The following GRM8 variants were observed in gnomAD, a reference collection of about 807,000 sequenced individuals.
GRM8 encodes glutamate metabotropic receptor 8.
GRM8 carries 47 observed loss-of-function variants against 87.2 expected under a neutral mutation model. The ratio of observed to expected loss-of-function variants is 0.54; its 90% CI spans 0.43 to 0.69. GRM8 has a LOEUF of 0.69. Ranked by LOEUF, GRM8 falls within the 30% of genes least tolerant of loss-of-function variation. GRM8 has a pLI of 0.00. For missense variants in GRM8, 1,019 were observed against 1,139.2 expected (o/e 0.89, Z 1.52); for synonymous variants, 396 against 404.5 (o/e 0.98, Z 0.25).
At chr7:126,589,209 G>A (rs1796441868) in intron 8 of GRM8, among the ~76,000 whole-genome samples, 2 of 152,146 alleles carry the variant, frequency 1.3e-5, no homozygotes, top group East Asian at 1.9e-4. Context: ...TTCTCAGCTG[G>A]GAGGCTGGTA....
At chr7:127,027,604 AT>A (rs1816917013) in intron 3 of GRM8, among the ~76,000 whole-genome samples, 1 of 152,124 alleles carries the variant, frequency 6.6e-6, no homozygotes, top group Non-Finnish European at 1.5e-5. Context: ...GCAATTGTGA[AT>A]GGGAGTTCAC....
At chr7:127,056,633 C>T (rs1820017254) in intron 3 of GRM8, among the ~76,000 whole-genome samples, 1 of 152,160 alleles carries the variant, frequency 6.6e-6, no homozygotes, top group Non-Finnish European at 1.5e-5. Flanking sequence ...AAAATAGCTC[C>T]ATTTATTAAT....
intron 2 of GRM8, among the ~76,000 whole-genome samples, chr7:127,165,052 C>G (rs1010470413): frequency 6.7e-6 from 1 of 148,926 alleles, no homozygotes; most frequent in Non-Finnish European, 1.5e-5. Flanking sequence ...TTTTCTAAGT[C>G]CTGAGGATGT....
At chr7:126,643,255 T>A in intron 7 of GRM8, among the ~76,000 whole-genome samples, 1 of 129,700 alleles carries the variant, frequency 7.7e-6, no homozygotes, top group Admixed American at 9.0e-5. Context: ...TGTGCCACTG[T>A]ACTCCAGCAT....
chr7:126,933,801 C>T (rs970873279), intron 3 of GRM8, among the ~76,000 whole-genome samples: 4 of 152,164 alleles, frequency 2.6e-5, no homozygotes, highest in Non-Finnish European at 4.4e-5. Flanking sequence ...GTAACATCAT[C>T]CATGGACCCA....
intron 3 of GRM8, among the ~76,000 whole-genome samples, chr7:127,000,338 C>G (rs374486114): frequency 6.6e-6 from 1 of 151,462 alleles, no homozygotes; most frequent in African/African-American, 2.4e-5. Flanking sequence ...TTTGATAGCA[C>G]AAAAGGGTGA....
chr7:126,777,537 G>C (rs1054583323), intron 6 of GRM8, among the ~76,000 whole-genome samples: 3 of 152,070 alleles, frequency 2.0e-5, no homozygotes, highest in Non-Finnish European at 4.4e-5. Context: ...ACACCCACCA[G>C]ACCAATGATT....
intron 6 of GRM8, among the ~76,000 whole-genome samples, chr7:126,894,104 C>A (rs1182221595): frequency 6.6e-6 from 1 of 152,142 alleles, no homozygotes; most frequent in South Asian, 2.1e-4. Flanking sequence ...GAGGAGAAAT[C>A]AAGTTTTCCT....
In GRM8 at chr7:126,691,503, G is replaced by C. The variant is rs185612613; in HGVS notation, c.1357+78362C>G. The stretch of plus-strand genomic sequence containing the variant: ...GGTTCCTGCCCCTCCAACTTGGAAG[G>C]GGGCAGGGCTTCCATCTGTTCCTGA... On this transcript the variant is annotated intron_variant, in intron 7 of 10. Coordinates refer to ENST00000339582, the MANE Select transcript of GRM8 (RefSeq NM_000845.3). 7.1e-3 allele frequency among the ~76,000 whole-genome samples: 1,086 copies of C among 152,266 alleles called. 13 individuals are homozygous for C. The highest frequency in any genetic ancestry group is 0.021 in the South Asian group (102 of 4,822).
chr7:126,707,666 T>C (rs1810669775), intron 7 of GRM8, among the ~76,000 whole-genome samples: 1 of 152,168 alleles, frequency 6.6e-6, no homozygotes, highest in Admixed American at 6.6e-5. Flanking sequence ...AGAAAGTCTC[T>C]TTTATAAATT....
chr7:126,542,219 A>G (rs575307092), intron 8 of GRM8, among the ~76,000 whole-genome samples: 1 of 152,316 alleles, frequency 6.6e-6, no homozygotes, highest in South Asian at 2.1e-4. Context: ...AACCCTAGAA[A>G]ACTAATTTAG....
chr7:127,147,173 G>A (rs1828598117), intron 2 of GRM8, among the ~76,000 whole-genome samples: 2 of 151,960 alleles, frequency 1.3e-5, no homozygotes, highest in Admixed American at 1.3e-4. Context: ...ACAAAAGAAT[G>A]GTCCAATGAA....
chr7:126,929,878 T>TTCTGTACTC (rs1805581348), intron 3 of GRM8, among the ~76,000 whole-genome samples: 1 of 17,786 alleles, frequency 5.6e-5, no homozygotes, highest in Non-Finnish European at 1.0e-4. Context: ...AGATTTAAAA[T>TTCTGTACTC]ATAAAGAAAC....
chr7:126,564,689 C>A (rs1416860570), intron 8 of GRM8, among the ~76,000 whole-genome samples: 2 of 151,958 alleles, frequency 1.3e-5, no homozygotes, highest in Non-Finnish European at 2.9e-5. Flanking sequence ...CAAACTATTC[C>A]AAAAAAACTG....
At chr7:126,997,643 C>T (rs1813319447) in intron 3 of GRM8, among the ~76,000 whole-genome samples, 1 of 150,844 alleles carries the variant, frequency 6.6e-6, no homozygotes, top group Non-Finnish European at 1.5e-5. Flanking sequence ...TCATTAGTGA[C>T]TACTATGAGC....
chr7:126,569,846 C>G (rs1168631751), intron 8 of GRM8, among the ~76,000 whole-genome samples: 1 of 152,200 alleles, frequency 6.6e-6, no homozygotes, highest in Non-Finnish European at 1.5e-5. Context: ...AATCCTAGGT[C>G]TGCCAGTTTT....
At chr7:127,056,573 T>G (rs1157461164) in intron 3 of GRM8, among the ~76,000 whole-genome samples, 3 of 152,160 alleles carry the variant, frequency 2.0e-5, no homozygotes, top group African/African-American at 7.2e-5. Flanking sequence ...TAATGGTGAC[T>G]GAGATATGAA....
At chr7:126,853,137 G>A (rs1039896879) in intron 6 of GRM8, among the ~76,000 whole-genome samples, 3 of 152,076 alleles carry the variant, frequency 2.0e-5, no homozygotes, top group African/African-American at 4.8e-5. Flanking sequence ...TGCTTCCTCC[G>A]TTTCTTTCAG....
At chr7:127,125,974 C>T (rs17867032) in intron 2 of GRM8, among the ~76,000 whole-genome samples, 59,107 of 151,732 alleles carry the variant, frequency 0.39, 13,674 homozygotes, top group African/African-American at 0.65. Context: ...AGTCAAAAAA[C>T]AACAGATGTT....
Sources: gnomAD v4.1 joint callset for allele counts (sites outside exome capture counted in the v4.1 genomes callset) on GRCh38, gnomAD v4.1.1 for gene constraint, MANE v1.5 for transcripts, NCBI Gene and HGNC (gene_info 2026-07-23, HGNC 2026-07-21) for gene names.